The following FAM228B variants were observed in gnomAD, a reference collection of about 807,000 sequenced individuals.
FAM228B encodes protein FAM228B.
In FAM228B, 38 loss-of-function variants were observed where a neutral mutation model predicts 42.6. The ratio of observed to expected loss-of-function variants is 0.89; its 90% CI spans 0.69 to 1.17. The LOEUF is 1.17. FAM228B is among the 50% of genes most tolerant of loss of function. The probability of loss-of-function intolerance (pLI) is 0.00; values close to 1 mark genes in which losing one functional copy is unlikely to be tolerated. For synonymous variants in FAM228B, 109 were observed against 122.3 expected (o/e 0.89, Z 0.72); for missense variants, 344 against 367.3 (o/e 0.94, Z 0.52).
chr2:24,108,916 A>G lies in FAM228B; in HGVS notation c.-121+13687A>G, dbSNP rs181393663. 2.0e-5 allele frequency among the ~76,000 whole-genome samples: 3 copies of G among 151,714 alleles called. No individual in the cohort carries two copies. In the East Asian group the frequency reaches 5.8e-4, roughly 29 times the overall value. ...AGTCCGTCTCAAAAAAAAAAAAAAA[A>G]GAAAAAGCTATTTTGAAATTCATAT... On this transcript the variant is annotated intron_variant, in intron 3 of 10. Transcript: ENST00000613899.
intron 7 of FAM228B, among the ~76,000 whole-genome samples, chr2:24,148,911 G>A (rs568381354): frequency 1.2e-4 from 18 of 151,934 alleles, no homozygotes; most frequent in African/African-American, 2.2e-4. Context: ...CCATCCTTCC[G>A]CTCTGCATCT....
chr2:24,089,337 A>T (rs1315014189), intron 2 of FAM228B, among the ~76,000 whole-genome samples: 1 of 152,222 alleles, frequency 6.6e-6, no homozygotes, highest in Non-Finnish European at 1.5e-5. Flanking sequence ...ATGAGAAAGG[A>T]GATACAACCA....
chr2:24,079,766 A>G (rs181198545), intron 1 of FAM228B: 3 of 857,458 alleles, frequency 3.5e-6, no homozygotes, highest in African/African-American at 3.4e-5. Context: ...AATTAGAAAC[A>G]CTGCTTGAAG....
intron 9 of FAM228B, chr2:24,166,488 C>T (rs1435273860): frequency 6.8e-6 from 1 of 147,402 alleles, no homozygotes; most frequent in Non-Finnish European, 1.5e-5. Context: ...GTTTTGGTAT[C>T]CTCCCATGTG....
chr2:24,117,444 CTT>C (rs34376278), intron 3 of FAM228B, among the ~76,000 whole-genome samples: 2 of 140,356 alleles, frequency 1.4e-5, no homozygotes, highest in African/African-American at 5.2e-5. Context: ...TCTTCTTCTT[CTT>C]TTTTTTTTTT....
intron 3 of FAM228B, among the ~76,000 whole-genome samples, chr2:24,137,185 C>A (rs1432272435): frequency 6.6e-6 from 1 of 152,052 alleles, no homozygotes; most frequent in Non-Finnish European, 1.5e-5. Context: ...TTTATCTGTT[C>A]ATCTCTTGAT....
intron 2 of FAM228B, among the ~76,000 whole-genome samples, chr2:24,129,931 A>C (rs1007934972): frequency 2.0e-5 from 3 of 151,142 alleles, no homozygotes; most frequent in African/African-American, 7.3e-5. Flanking sequence ...CCCTGCATGC[A>C]TTAGCTGTTT....
intron 7 of FAM228B, among the ~76,000 whole-genome samples, chr2:24,156,355 A>G (rs1667143906): frequency 6.6e-6 from 1 of 152,056 alleles, no homozygotes; most frequent in African/African-American, 2.4e-5. Flanking sequence ...CCTTCTGGCC[A>G]GGCGTGGTGG....
intron 3 of FAM228B, among the ~76,000 whole-genome samples, chr2:24,108,994 C>A (rs1665745470): frequency 6.6e-6 from 1 of 151,630 alleles, no homozygotes; most frequent in Non-Finnish European, 1.5e-5. Flanking sequence ...AAGCTGAAGG[C>A]ATCACCTTAC....
chr2:24,118,898 G>A (rs1340408706), upstream of FAM228B, among the ~76,000 whole-genome samples: 1 of 152,130 alleles, frequency 6.6e-6, no homozygotes, highest in Non-Finnish European at 1.5e-5. Flanking sequence ...GAGTGTTTAT[G>A]CAACTCCAGT....
intron 3 of FAM228B, among the ~76,000 whole-genome samples, chr2:24,136,639 C>T (rs540433976): frequency 6.6e-5 from 10 of 152,196 alleles, no homozygotes; most frequent in South Asian, 2.1e-4. Flanking sequence ...CTAGGATTAC[C>T]GGCGTGAGCC....
At chr2:24,124,858 C>T (rs1419790181) in intron 2 of FAM228B, among the ~76,000 whole-genome samples, 2 of 152,166 alleles carry the variant, frequency 1.3e-5, no homozygotes, top group Admixed American at 6.5e-5. Context: ...CCATGTCTGG[C>T]TAATTTTTGT....
intron 3 of FAM228B, chr2:24,115,544 C>A: frequency 6.3e-7 from 1 of 1,578,814 alleles, no homozygotes; most frequent in Non-Finnish European, 8.7e-7. Flanking sequence ...CAATTTTCTT[C>A]TAAAATAATA....
rs114762189 is a variant in FAM228B at position 24,168,951 on chromosome 2, G to A, written c.*15-405G>A. On this transcript the variant is annotated intron_variant, in intron 10 of 10. Transcript: ENST00000615575. ...TCTCAAGTGAGATCATCAGCTGATCGCGAGGCACAGAATAGAGAATTTAGA... is the reference window on the plus strand; with the variant it reads ...TCTCAAGTGAGATCATCAGCTGATCACGAGGCACAGAATAGAGAATTTAGA... 5.6e-3 allele frequency among the ~76,000 whole-genome samples: 848 copies of A among 152,266 alleles called. 4 individuals are homozygous for A. Among genetic ancestry groups the A allele is most frequent in the Middle Eastern group, 0.031 (9 of 294 alleles).
intron 3 of FAM228B, among the ~76,000 whole-genome samples, chr2:24,103,933 G>T (rs1440992688): frequency 3.3e-5 from 5 of 152,238 alleles, no homozygotes; most frequent in African/African-American, 1.2e-4. Flanking sequence ...CTCAGGACAA[G>T]ATGGGACGAT....
intron 3 of FAM228B, among the ~76,000 whole-genome samples, chr2:24,107,872 T>A (rs1665725899): frequency 6.6e-6 from 1 of 152,124 alleles, no homozygotes; most frequent in African/African-American, 2.4e-5. Context: ...GACCTAGGAA[T>A]GCATGAGCAA....
upstream of FAM228B, among the ~76,000 whole-genome samples, chr2:24,119,179 C>A (rs181353292): frequency 3.3e-5 from 5 of 152,218 alleles, no homozygotes; most frequent in East Asian, 1.9e-4. Context: ...CTGTCTCCCC[C>A]CTCCCCTATC....
intron 7 of FAM228B, among the ~76,000 whole-genome samples, chr2:24,153,127 C>T (rs543565211): frequency 2.0e-4 from 31 of 152,268 alleles, no homozygotes; most frequent in African/African-American, 6.3e-4. Flanking sequence ...TCCAGAAATG[C>T]GGTCCAAGAG....
intron 2 of FAM228B, among the ~76,000 whole-genome samples, chr2:24,094,068 C>T (rs375014720): frequency 2.7e-4 from 28 of 104,352 alleles, no homozygotes; most frequent in Admixed American, 1.3e-3. Flanking sequence ...AAGACAGGGT[C>T]TTGCTGTGTC....
Sources: gnomAD v4.1 joint callset for allele counts (sites outside exome capture counted in the v4.1 genomes callset) on GRCh38, gnomAD v4.1.1 for gene constraint, MANE v1.5 for transcripts, NCBI Gene and HGNC (gene_info 2026-07-23, HGNC 2026-07-21) for gene names.